ATP13A1: variants seen among roughly 807,000 people sequenced by gnomAD.
The protein encoded by ATP13A1 is endoplasmic reticulum transmembrane helix translocase.
Under a neutral mutation model 134.8 loss-of-function variants are expected in ATP13A1, and 55 were observed. That is an observed-to-expected ratio of 0.41 (90% CI 0.33 to 0.51). The LOEUF (loss-of-function observed/expected upper bound fraction) is 0.51, where lower values mean the gene tolerates loss of function less well. Among genes scored for constraint, ATP13A1 ranks in the 20% least tolerant of loss-of-function variants. The pLI is 0.29. For synonymous variants in ATP13A1, 775 were observed against 725.1 expected (o/e 1.07, Z -1.10); for missense variants, 1,389 against 1,652.8 (o/e 0.84, Z 2.77).
chr19:19,653,585 T>C lies in ATP13A1; in HGVS notation c.2100+199A>G. The C allele has an allele frequency of 3.3e-6, 2 of 605,434 alleles. No individual in the cohort carries two copies. Among genetic ancestry groups the C allele is most frequent in the Non-Finnish European group, 5.8e-6 (2 of 344,268 alleles). The allele number at this position is 605,434 out of a possible 1,614,324, so 37.5% of individuals were successfully genotyped here. ...AGGTAAGCCCTGCGTGTGCTCTGCG[T>C]GAGCCAGGACTGGGTGGGTCCCCAC... On this transcript the variant is annotated intron_variant, in intron 15 of 25. Transcript: ENST00000357324. This position sits in a 1 kb window ranked among gnomAD's most constrained non-coding sequence, Gnocchi z 4.2.
At position 19,655,601 on chromosome 19, in the gene ATP13A1, G is replaced by C; in HGVS notation, c.1323C>G (p.Asn441Lys). ...AGAGGATGAAGATGAAGGTCTCCAG[G>C]TTGTTCGCAGTCACCCTCTTGACCC... Reference protein sequence around the residue: ...LFGVKRVTANNLETFIFILFL... With the variant: ...LFGVKRVTANKLETFIFILFL... Residue 441 changes from asparagine to lysine, a missense_variant, in exon 10 of 26, where the codon AAC becomes AAG. Asn to Lys is a moderately conservative substitution (Grantham distance 94). Around this residue, in one of 4 missense-constraint regions of ATP13A1, gnomAD observed 747 missense variants for 956.1 expected, o/e 0.78. Transcript: ENST00000357324. This position sits in a 1 kb window ranked among gnomAD's most constrained non-coding sequence, Gnocchi z 5.7. The C allele has an allele frequency of 6.2e-7, 1 of 1,613,910 alleles. No homozygotes were observed. The highest frequency in any genetic ancestry group is 8.5e-7 in the Non-Finnish European group (1 of 1,179,860).
In ATP13A1 at chr19:19,655,426, T is replaced by C. The variant is rs1284336405; in HGVS notation, c.1424A>G (p.Tyr475Cys). 1.2e-6 allele frequency: 2 copies of C among 1,613,928 alleles called. No individual in the cohort carries two copies. The highest frequency in any genetic ancestry group is 2.2e-5 in the East Asian group (1 of 44,882). ...CAGGGTGCACTCCAGAAACAGCTTG[T>C]AGCGGTTCCGGCTGGGGTCCTTGGT... Reference protein sequence around the residue: ...EGTKDPSRNRYKLFLECTLIL... With the variant: ...EGTKDPSRNRCKLFLECTLIL... The change falls in exon 11 of 26, where the codon TAC (tyrosine) becomes TGC (cysteine). Residue 475 changes from tyrosine (Y) to cysteine (C), a missense_variant. By Grantham distance (194) the Tyr-to-Cys change is radical. Coordinates refer to ENST00000357324, the MANE Select transcript of ATP13A1 (RefSeq NM_020410.3). The surrounding 1 kb of genome is among the most constrained non-coding windows in gnomAD (Gnocchi z 5.7).
In ATP13A1 at chr19:19,655,365, G is replaced by A. The variant is rs774566865; in HGVS notation, c.1485C>T (p.Ile495=). ...AGGTGTTGACGGCCAGGGACAGCTC[G>A]ATGGGCAGCTCAGGAGGCACGACCG... The part of the protein sequence containing the change: ...LTSVVPPELP[I]ELSLAVNTSL... The change falls in exon 11 of 26, where the codon ATC becomes ATT. Residue 495 remains isoleucine (I), a synonymous_variant. Coordinates refer to ENST00000357324, the MANE Select transcript of ATP13A1 (RefSeq NM_020410.3). The surrounding 1 kb of genome is among the most constrained non-coding windows in gnomAD (Gnocchi z 5.7). 2.7e-5 allele frequency: 44 copies of A among 1,613,864 alleles called. No individual in the cohort carries two copies. Among genetic ancestry groups the A allele is most frequent in the East Asian group, 2.0e-4 (9 of 44,896 alleles).
intron 1 of ATP13A1, chr19:19,662,359 C>G (rs1241695366): frequency 4.1e-6 from 4 of 985,252 alleles, no homozygotes; most frequent in Admixed American, 1.2e-4. Context: ...TCAGAGCCAG[C>G]CAGGGTGGGG....
In ATP13A1 at chr19:19,656,341, G is replaced by A. The variant is rs993010277; in HGVS notation, c.1084-158C>T. On this transcript the variant is annotated intron_variant, in intron 7 of 25. Transcript: ENST00000357324. This position sits in a 1 kb window ranked among gnomAD's most constrained non-coding sequence, Gnocchi z 4.6. ...GCTCCCAGATCCTCACCCTCACCCCGTCCTGTCTTCTCCCCATTGCACTCA... is the reference window on the plus strand; with the variant it reads ...GCTCCCAGATCCTCACCCTCACCCCATCCTGTCTTCTCCCCATTGCACTCA... Among the ~76,000 whole-genome samples, 11 of 151,994 alleles carry A rather than the reference G, an allele frequency of 7.2e-5. No homozygotes were observed. The highest frequency in any genetic ancestry group is 2.1e-4 in the South Asian group (1 of 4,818).
rs1488924543 is a variant in ATP13A1 at position 19,659,598 on chromosome 19, C to T, written c.677+3G>A. On this transcript the variant is annotated splice_donor_region_variant and intron_variant, in intron 3 of 25. Coordinates refer to ENST00000357324, the MANE Select transcript of ATP13A1 (RefSeq NM_020410.3). ...AGGTGCTACAGGCAAATCAAGGACT[C>T]ACTTGTTGCTCCCAAATTTCTTCTC... 19 of 1,608,858 alleles carry T rather than the reference C, an allele frequency of 1.2e-5. No homozygotes were observed. The highest frequency in any genetic ancestry group is 1.3e-5 in the African/African-American group (1 of 74,818).
chr19:19,656,665 T>A lies in ATP13A1; in HGVS notation c.1078A>T (p.Met360Leu), dbSNP rs1488177449. The A allele has an allele frequency of 4.3e-6, 7 of 1,613,214 alleles. No homozygotes were observed. The highest frequency in any genetic ancestry group is 2.2e-5 in the East Asian group (1 of 44,896). Residue 360 changes from methionine to leucine, a missense_variant, in exon 7 of 26, where the codon ATG becomes TTG. Around this residue, in one of 4 missense-constraint regions of ATP13A1, gnomAD observed 747 missense variants for 956.1 expected, o/e 0.78. Coordinates refer to ENST00000357324, the MANE Select transcript of ATP13A1 (RefSeq NM_020410.3). This position sits in a 1 kb window ranked among gnomAD's most constrained non-coding sequence, Gnocchi z 4.6. Reference sequence around the variant, plus strand: ...CCCCATCCTCCACCAAGTACCTTCATCTGTGGCACGGACTCCCCCGTGAGC... The same window carrying A: ...CCCCATCCTCCACCAAGTACCTTCAACTGTGGCACGGACTCCCCCGTGAGC... ...AMLTGESVPQMKEPIEDLSPD... is the reference protein window; with the variant it reads ...AMLTGESVPQLKEPIEDLSPD...
Position 19,645,568 on chromosome 19 carries a change from T to C in ATP13A1, c.3505-36A>G. ...AGGGAGGGATGGTGAGCTGGAGACC[T>C]GCAGCCCAGCTCAGGGTCACTGCCA... On this transcript the variant is annotated intron_variant, in intron 25 of 25. Coordinates refer to ENST00000357324, the MANE Select transcript of ATP13A1 (RefSeq NM_020410.3). The surrounding 1 kb of genome is among the most constrained non-coding windows in gnomAD (Gnocchi z 4.1). 6.4e-7 allele frequency: 1 copy of C among 1,568,632 alleles called. No individual in the cohort carries two copies. The highest frequency in any genetic ancestry group is 8.6e-7 in the Non-Finnish European group (1 of 1,157,032).
rs767678591 is a variant in ATP13A1, at chr19:19,663,624, C to G, written c.43G>C (p.Ala15Pro). Reference protein sequence around the residue: ...AAVGNAVPCGARPCGVRPDGQ... With the variant: ...AAVGNAVPCGPRPCGVRPDGQ... The stretch of plus-strand genomic sequence containing the variant: ...TCAGGCCGGACCCCGCAAGGCCGGG[C>G]CCCGCAGGGCACCGCGTTGCCCACC... Residue 15 changes from alanine to proline, a missense_variant, in exon 1 of 26, where the codon GCC (alanine) becomes CCC (proline). By Grantham distance (27) the Ala-to-Pro change is conservative (BLOSUM62 -1). This residue lies in a region of ATP13A1 where 293 missense variants were observed against 270.8 expected (regional missense o/e 1.08). Transcript: ENST00000357324. The G allele has an allele frequency of 7.4e-7, 1 of 1,350,460 alleles. No individual in the cohort carries two copies. Among genetic ancestry groups the G allele is most frequent in the African/African-American group, 1.5e-5 (1 of 65,336 alleles). The allele number at this position is 1,350,460 out of a possible 1,614,324, so 83.7% of individuals were successfully genotyped here.
Position 19,655,771 on chromosome 19 carries a change from T to C in ATP13A1, c.1269+107A>G, listed in dbSNP as rs2062053415. 1 of 1,534,288 alleles carries C rather than the reference T, an allele frequency of 6.5e-7. No individual in the cohort carries two copies. The highest frequency in any genetic ancestry group is 2.0e-5 in the Admixed American group (1 of 51,174). On this transcript the variant is annotated intron_variant, in intron 9 of 25. Coordinates refer to ENST00000357324, the MANE Select transcript of ATP13A1 (RefSeq NM_020410.3). The surrounding 1 kb of genome is among the most constrained non-coding windows in gnomAD (Gnocchi z 5.7). Reference sequence around the variant, plus strand: ...GCACCCTGGCCCAGGTCCAGGGCCGTGCTGCCAGAGTCAGCCCGTGGGGCA... The same window carrying C: ...GCACCCTGGCCCAGGTCCAGGGCCGCGCTGCCAGAGTCAGCCCGTGGGGCA...
intron 4 of ATP13A1, 23 bp from the exon 5 acceptor site, chr19:19,657,172 T>C: frequency 6.7e-7 from 1 of 1,499,432 alleles, no homozygotes; most frequent in Non-Finnish European, 8.9e-7. Context: ...AGCCTGTCTG[T>C]CCTTGCCCTA....
intron 22 of ATP13A1, 89 bp from the exon 23 acceptor site, chr19:19,646,436 C>T: frequency 1.3e-6 from 2 of 1,490,662 alleles, no homozygotes; most frequent in Non-Finnish European, 1.8e-6. Context: ...CCCCTGCCTC[C>T]CGGGAGACCT....
In ATP13A1 at chr19:19,653,779, C is replaced by T. The variant is rs185572197; in HGVS notation, c.2100+5G>A. 1.8e-5 allele frequency: 28 copies of T among 1,548,408 alleles called. No individual in the cohort carries two copies. Among genetic ancestry groups the T allele is most frequent in the South Asian group, 1.2e-4 (10 of 83,972 alleles). On this transcript the variant is annotated splice_donor_5th_base_variant and intron_variant, in intron 15 of 25. Coordinates refer to ENST00000357324, the MANE Select transcript of ATP13A1 (RefSeq NM_020410.3). This position sits in a 1 kb window ranked among gnomAD's most constrained non-coding sequence, Gnocchi z 4.2. ...GGTGAAGGCAGGGGGAGCCTGGGCC[C>T]GTACCTGCTGGTGAGTGAGGTGTCC...
chr19:19,661,931 C>G, intron 1 of ATP13A1: 2 of 1,072,386 alleles, frequency 1.9e-6, no homozygotes, highest in Non-Finnish European at 2.7e-6. Flanking sequence ...GGCCCCAGGG[C>G]GGGCACTCTG....
At chr19:19,651,964 G>A (rs747606431) in intron 16 of ATP13A1, among the ~76,000 whole-genome samples, 167 bp from the exon 17 acceptor site, 5 of 151,852 alleles carry the variant, frequency 3.3e-5, no homozygotes, top group African/African-American at 1.2e-4. Context: ...CCCCACCCAG[G>A]TCATTTTACA....
At chr19:19,652,787 C>T in intron 15 of ATP13A1, 67 bp from the exon 16 acceptor site, 1 of 1,526,120 alleles carries the variant, frequency 6.6e-7, no homozygotes, top group African/African-American at 1.4e-5. Context: ...ATTTCCTGAG[C>T]TCTGACCATG....
At chr19:19,662,120 T>C (rs1254830912) in intron 1 of ATP13A1, 22 of 1,565,760 alleles carry the variant, frequency 1.4e-5, no homozygotes, top group Non-Finnish European at 1.8e-5. Context: ...TCTCCATCCC[T>C]GGAGAGGAAG....
chr19:19,652,814 G>A, intron 15 of ATP13A1, 94 bp from the exon 16 acceptor site: 2 of 1,455,284 alleles, frequency 1.4e-6, no homozygotes, highest in Non-Finnish European at 1.8e-6. Flanking sequence ...GAGCCAAGGG[G>A]ACAATGGAAG....
rs1279797673 is a variant in ATP13A1, at chr19:19,654,084, T to C, written c.1874A>G (p.His625Arg). 6 of 1,592,694 alleles carry C rather than the reference T, an allele frequency of 3.8e-6. No individual in the cohort carries two copies. The highest frequency in any genetic ancestry group is 5.1e-6 in the Non-Finnish European group (6 of 1,169,782). Residue 625 changes from histidine (H) to arginine (R), a missense_variant, in exon 14 of 26, where the codon CAT becomes CGT. Transcript: ENST00000357324. ...TQGLKIHQRF[H>R]FASALKRMSV... ...CATTCGCTTCAGGGCACTGGCAAAA[T>C]GAAAGCGCTGGTGAATTTTCAGCCC...
Sources: gnomAD v4.1 joint callset for allele counts (sites outside exome capture counted in the v4.1 genomes callset) on GRCh38, gnomAD v4.1.1 for gene constraint, gnomAD v4.1.1 regional missense constraint, Gnocchi (gnomAD v3.1) non-coding constraint, MANE v1.5 for transcripts, NCBI Gene and HGNC (gene_info 2026-07-23, HGNC 2026-07-21) for gene names.